Variants in MKLN1 observed in about 807,000 individuals in gnomAD.
MKLN1 encodes the protein muskelin.
Under a neutral mutation model 99.0 loss-of-function variants are expected in MKLN1, and 18 were observed. The observed-to-expected ratio is 0.18, with a 90% CI of 0.13 to 0.27. The LOEUF is 0.27. Ranked by LOEUF, MKLN1 falls within the 10% of genes least tolerant of loss-of-function variation. MKLN1 has a pLI of 1.00. For missense variants in MKLN1, 621 were observed against 875.9 expected (o/e 0.71, Z 3.67); for synonymous variants, 288 against 293.2 (o/e 0.98, Z 0.18).
chr7:131,224,406 C>T (rs111985627), intron 3 of MKLN1, among the ~76,000 whole-genome samples: 5,012 of 151,974 alleles, frequency 0.033, 113 homozygotes, highest in Middle Eastern at 0.054. Context: ...ATTAGCTGGG[C>T]GTGGTGGCGA....
intron 1 of MKLN1, among the ~76,000 whole-genome samples, chr7:131,139,336 TC>T (rs1182110576): frequency 1.3e-5 from 2 of 151,660 alleles, no homozygotes; most frequent in Admixed American, 6.6e-5. Context: ...GCTCTTGGAC[TC>T]CCCCCGTCCC....
At chr7:131,372,779 A>G (rs768208984) in intron 1 of MKLN1, among the ~76,000 whole-genome samples, 1 of 143,338 alleles carries the variant, frequency 7.0e-6, no homozygotes, top group African/African-American at 2.6e-5. Flanking sequence ...CTGAGGCTTT[A>G]GCATATGGTG....
intron 9 of MKLN1, among the ~76,000 whole-genome samples, 164 bp downstream of exon 9, chr7:131,429,309 A>AC (rs1210233184): frequency 6.6e-6 from 1 of 152,168 alleles, no homozygotes; most frequent in East Asian, 1.9e-4. Context: ...CAGCTTCTAT[A>AC]ACTGGCTGTT....
At chr7:131,425,237 G>C (rs990431705) in intron 8 of MKLN1, among the ~76,000 whole-genome samples, 1 of 151,960 alleles carries the variant, frequency 6.6e-6, no homozygotes, top group Non-Finnish European at 1.5e-5. Flanking sequence ...CACTTTTGAC[G>C]TGTTTTTCTG....
chr7:131,490,517 G>C lies in MKLN1; in HGVS notation c.*2789G>C, dbSNP rs1797398575. The C allele has an allele frequency of 6.6e-6, 1 of 152,542 alleles. No individual in the cohort carries two copies. Among genetic ancestry groups the C allele is most frequent in the Non-Finnish European group, 1.5e-5 (1 of 67,992 alleles). 9.4% of individuals were successfully genotyped at this position (152,542 alleles called of 1,614,324 possible). On this transcript the variant is annotated 3_prime_UTR_variant, in exon 18 of 18. Coordinates refer to ENST00000352689, the MANE Select transcript of MKLN1 (RefSeq NM_013255.5). The stretch of plus-strand genomic sequence containing the variant: ...TGGCCAGTTTGATTGATTGAAGAAT[G>C]TATCACTCTTATTCAAGCAAAGGAA...
At chr7:131,149,666 C>G (rs1038213194) in intron 2 of MKLN1, among the ~76,000 whole-genome samples, 24 of 152,140 alleles carry the variant, frequency 1.6e-4, no homozygotes, top group Non-Finnish European at 3.4e-4. Flanking sequence ...AACAGTTTTT[C>G]ATAAAGCTAT....
intron 3 of MKLN1, among the ~76,000 whole-genome samples, chr7:131,235,585 A>G (rs1238821922): frequency 6.6e-6 from 1 of 152,148 alleles, no homozygotes; most frequent in Admixed American, 6.6e-5. Context: ...TGGTACTTCT[A>G]CATTCCGGAA....
At chr7:131,387,390 T>G in intron 3 of MKLN1, 128 bp downstream of exon 3, 1 of 760,528 alleles carries the variant, frequency 1.3e-6, no homozygotes, top group South Asian at 2.6e-5. Flanking sequence ...ATTCTATCCC[T>G]AATGCCTTAG....
At chr7:131,290,685 A>G (rs1184798722) in intron 3 of MKLN1, among the ~76,000 whole-genome samples, 2 of 152,246 alleles carry the variant, frequency 1.3e-5, no homozygotes, top group African/African-American at 4.8e-5. Flanking sequence ...TCTCCCTTCC[A>G]CAATATCATT....
chr7:131,395,442 A>T (rs1158276693), intron 4 of MKLN1, among the ~76,000 whole-genome samples: 1 of 124,606 alleles, frequency 8.0e-6, no homozygotes, highest in Non-Finnish European at 1.7e-5. Flanking sequence ...TGCCATTGGT[A>T]AAAATTATTT....
intron 1 of MKLN1, among the ~76,000 whole-genome samples, chr7:131,136,543 TG>T (rs1449255391): frequency 6.6e-6 from 1 of 152,122 alleles, no homozygotes; most frequent in Non-Finnish European, 1.5e-5. Flanking sequence ...TTTCCTCAAA[TG>T]GTCAAAGCTT....
intron 2 of MKLN1, among the ~76,000 whole-genome samples, chr7:131,192,242 TATAAA>T: frequency 1.1e-5 from 1 of 90,310 alleles, no homozygotes; most frequent in African/African-American, 4.9e-5. Flanking sequence ...TATATAAATA[TATAAA>T]ATATAATATA....
chr7:131,361,100 A>G (rs73153479), intron 1 of MKLN1, among the ~76,000 whole-genome samples: 27,362 of 151,658 alleles, frequency 0.18, 3,261 homozygotes, highest in Non-Finnish European at 0.26. Context: ...TGATACTCCA[A>G]CTTATAAATT....
At chr7:131,195,182 G>C (rs1563248765) in intron 2 of MKLN1, among the ~76,000 whole-genome samples, 1 of 152,132 alleles carries the variant, frequency 6.6e-6, no homozygotes, top group Admixed American at 6.5e-5. Flanking sequence ...TGGTCTCAGG[G>C]GAAGAGGAGA....
chr7:131,192,104 A>ACG (rs1796556751), intron 2 of MKLN1, among the ~76,000 whole-genome samples: 1 of 81,578 alleles, frequency 1.2e-5, no homozygotes, highest in African/African-American at 4.6e-5. Flanking sequence ...ATATGTATAT[A>ACG]TATATTATAT....
rs191423814 is a variant in MKLN1 at position 131,112,827 on chromosome 7, G to T, written c.-419+2620G>T. ...TCATGGAACTAATAATAATCTATTT[G>T]CCTGTGTTTTAATTAGTGCTAGGCA... On this transcript the variant is annotated intron_variant, in intron 1 of 7. Transcript: ENST00000416992. 2.1e-3 allele frequency among the ~76,000 whole-genome samples: 313 copies of T among 152,352 alleles called. 1 individual carries two copies. The highest frequency in any genetic ancestry group is 6.8e-3 in the African/African-American group (283 of 41,586).
At chr7:131,127,617 C>G (rs1028880001) in intron 1 of MKLN1, among the ~76,000 whole-genome samples, 2 of 152,226 alleles carry the variant, frequency 1.3e-5, no homozygotes, top group African/African-American at 4.8e-5. Flanking sequence ...TGTGAAGATA[C>G]TCAGAACAGT....
chr7:131,209,573 G>A (rs764554873), intron 3 of MKLN1, among the ~76,000 whole-genome samples: 40 of 152,306 alleles, frequency 2.6e-4, no homozygotes, highest in Non-Finnish European at 4.6e-4. Flanking sequence ...AGTGAGACAG[G>A]TTGGCTGGGA....
At chr7:131,477,003 T>TA (rs1796986102) in intron 16 of MKLN1, among the ~76,000 whole-genome samples, 1 of 152,204 alleles carries the variant, frequency 6.6e-6, no homozygotes, top group Non-Finnish European at 1.5e-5. Context: ...TAACAAATGA[T>TA]ACTGAATAAC....
Sources: allele counts gnomAD v4.1 joint callset (sites outside exome capture counted in the v4.1 genomes callset), GRCh38; gene constraint gnomAD v4.1.1; transcripts MANE v1.5; gene names NCBI Gene and HGNC (gene_info 2026-07-23, HGNC 2026-07-21).